ZFHX4: variants seen among roughly 807,000 people sequenced by gnomAD.
The protein encoded by ZFHX4 is zinc finger homeobox 4, also known as zinc finger homeobox protein 4.
In ZFHX4, 56 loss-of-function variants were observed where a neutral mutation model predicts 267.6. That is an observed-to-expected ratio of 0.21 (90% CI 0.17 to 0.26). The LOEUF is 0.26. Ranked by LOEUF, ZFHX4 falls within the 10% of genes least tolerant of loss-of-function variation. The pLI, the probability that ZFHX4 is intolerant of heterozygous loss-of-function variation, is 1.00. For missense variants in ZFHX4, 4,332 were observed against 4,420.0 expected (o/e 0.98, Z 0.56); for synonymous variants, 1,778 against 1,665.6 (o/e 1.07, Z -1.64).
intron 3 of ZFHX4, among the ~76,000 whole-genome samples, chr8:76,777,209 C>T (rs897229345): frequency 6.6e-6 from 1 of 151,944 alleles, no homozygotes; most frequent in Admixed American, 6.6e-5. Flanking sequence ...TTGAACTACC[C>T]CAATTAAAAT....
intron 4 of ZFHX4, among the ~76,000 whole-genome samples, chr8:76,801,765 G>T (rs1811123185): frequency 6.6e-6 from 1 of 152,142 alleles, no homozygotes; most frequent in African/African-American, 2.4e-5. Flanking sequence ...GGACAAAATT[G>T]TGCATTTTTA....
intron 3 of ZFHX4, among the ~76,000 whole-genome samples, chr8:76,738,279 C>T (rs180898265): frequency 1.3e-4 from 20 of 152,230 alleles, no homozygotes; most frequent in African/African-American, 4.8e-4. Context: ...TGATGGTGCT[C>T]ACACAGTTAT....
At chr8:76,798,825 T>A (rs1406731081) in intron 4 of ZFHX4, among the ~76,000 whole-genome samples, 4 of 152,156 alleles carry the variant, frequency 2.6e-5, no homozygotes, top group South Asian at 2.1e-4. Flanking sequence ...CTCTTTTTTT[T>A]AAATCAAAAT....
At chr8:76,792,265 G>A (rs1810857345) in intron 4 of ZFHX4, among the ~76,000 whole-genome samples, 1 of 152,076 alleles carries the variant, frequency 6.6e-6, no homozygotes, top group Admixed American at 6.6e-5. Flanking sequence ...TTAGTTGGGG[G>A]AAGGAGGTTA....
chr8:76,714,507 G>T (rs1808513436), intron 3 of ZFHX4, among the ~76,000 whole-genome samples: 1 of 152,150 alleles, frequency 6.6e-6, no homozygotes, highest in Non-Finnish European at 1.5e-5. Context: ...GATTTGATTT[G>T]TTTGAAAGGT....
chr8:76,811,558 C>G (rs1438001267), intron 4 of ZFHX4, among the ~76,000 whole-genome samples: 2 of 152,100 alleles, frequency 1.3e-5, no homozygotes, highest in Non-Finnish European at 2.9e-5. Flanking sequence ...AAAAAAACTA[C>G]TGATGTTATG....
chr8:76,773,447 T>G (rs1810320379), intron 3 of ZFHX4, among the ~76,000 whole-genome samples: 1 of 152,170 alleles, frequency 6.6e-6, no homozygotes, highest in Admixed American at 6.6e-5. Flanking sequence ...TCAGATATCA[T>G]GTATATATTT....
chr8:76,827,332 G>A (rs1811812307), intron 4 of ZFHX4, among the ~76,000 whole-genome samples: 1 of 152,166 alleles, frequency 6.6e-6, no homozygotes, highest in Non-Finnish European at 1.5e-5. Flanking sequence ...AGGCGACAAG[G>A]CTTGCTTGCA....
intron 3 of ZFHX4, among the ~76,000 whole-genome samples, chr8:76,722,456 G>A (rs1808746656): frequency 6.6e-6 from 1 of 151,970 alleles, no homozygotes; most frequent in Admixed American, 6.6e-5. Flanking sequence ...ATGGAACATG[G>A]TGGGAGGGTA....
chr8:76,726,948 G>T (rs913897656), intron 3 of ZFHX4, among the ~76,000 whole-genome samples: 2 of 152,094 alleles, frequency 1.3e-5, no homozygotes, highest in African/African-American at 4.8e-5. Context: ...CTTAATTCCC[G>T]CTCAGGTCCA....
In ZFHX4 at chr8:76,686,976, T is replaced by C. The variant is rs555965038; in HGVS notation, c.-47+5356T>C. On this transcript the variant is annotated intron_variant, in intron 1 of 10. Transcript: ENST00000651372. ...AAGACCACTCTAAGGGTTAAAGACT[T>C]GGCCAAGGTTCAAACTGAGAAGCGC... 5.8e-4 allele frequency among the ~76,000 whole-genome samples: 89 copies of C among 152,316 alleles called. 1 individual carries two copies. The highest frequency in any genetic ancestry group is 9.1e-4 in the Non-Finnish European group (62 of 68,030).
At chr8:76,687,932 G>C (rs772128902) in intron 1 of ZFHX4, among the ~76,000 whole-genome samples, 1 of 152,142 alleles carries the variant, frequency 6.6e-6, no homozygotes, top group Non-Finnish European at 1.5e-5. Flanking sequence ...GAAAATGCAG[G>C]CTTCTCTTTC....
intron 3 of ZFHX4, among the ~76,000 whole-genome samples, chr8:76,760,928 CAAA>C (rs771069673): frequency 3.1e-5 from 2 of 64,132 alleles, no homozygotes; most frequent in Non-Finnish European, 3.2e-5. Flanking sequence ...GACCCTGCCT[CAAA>C]AAAAAAAAAA....
chr8:76,769,167 A>G (rs573004487), intron 3 of ZFHX4, among the ~76,000 whole-genome samples: 16 of 152,174 alleles, frequency 1.1e-4, no homozygotes, highest in Non-Finnish European at 2.2e-4. Context: ...AGTAGGAGTC[A>G]GCAATGTCAA....
At chr8:76,827,646 T>G (rs913733379) in intron 4 of ZFHX4, among the ~76,000 whole-genome samples, 1 of 152,210 alleles carries the variant, frequency 6.6e-6, no homozygotes, top group African/African-American at 2.4e-5. Flanking sequence ...GATGTATAAG[T>G]AATTTATTGA....
chr8:76,851,807 G>A lies in ZFHX4; in HGVS notation c.4886G>A (p.Ser1629Asn). The A allele has an allele frequency of 6.2e-7, 1 of 1,613,996 alleles. No homozygotes were observed. Among genetic ancestry groups the A allele is most frequent in the Non-Finnish European group, 8.5e-7 (1 of 1,179,878 alleles). ...GCTAGGGCTGCAAAGCTGGAGCCCA[G>A]TGGTCATGTGGCTGGTGGGCACAGC... ...TKARAAKLEP[S>N]GHVAGGHSIA... The change falls in exon 10 of 11, where the codon AGT (serine) becomes AAT (asparagine). Residue 1629 changes from serine (S) to asparagine (N), a missense_variant. Physicochemically the swap from Ser to Asn is conservative, Grantham distance 46. This residue lies in a region of ZFHX4 where 1,371 missense variants were observed against 1,423.1 expected (regional missense o/e 0.96). Transcript: ENST00000651372.
intron 4 of ZFHX4, among the ~76,000 whole-genome samples, chr8:76,780,345 G>A (rs1810515770): frequency 6.6e-6 from 1 of 152,186 alleles, no homozygotes; most frequent in Non-Finnish European, 1.5e-5. Context: ...CAAGTCAGGA[G>A]TCAGCTTCTG....
chr8:76,818,265 C>T (rs1440704121), intron 4 of ZFHX4, among the ~76,000 whole-genome samples: 1 of 151,864 alleles, frequency 6.6e-6, no homozygotes, highest in Non-Finnish European at 1.5e-5. Context: ...TTGGCATTGT[C>T]CTTAGGGTTA....
At chr8:76,773,682 A>G (rs143008822) in intron 3 of ZFHX4, among the ~76,000 whole-genome samples, 1 of 152,160 alleles carries the variant, frequency 6.6e-6, no homozygotes, top group African/African-American at 2.4e-5. Flanking sequence ...TAAATGATCT[A>G]TGTAAAGATA....
Sources: allele counts gnomAD v4.1 joint callset (sites outside exome capture counted in the v4.1 genomes callset), GRCh38; gene constraint gnomAD v4.1.1; regional missense constraint gnomAD v4.1.1; transcripts MANE v1.5; gene names NCBI Gene and HGNC (gene_info 2026-07-23, HGNC 2026-07-21).